The following PDE11A variants were observed in gnomAD, a reference collection of about 807,000 sequenced individuals.
The protein encoded by PDE11A is phosphodiesterase 11A.
PDE11A carries 100 observed loss-of-function variants against 100.5 expected under a neutral mutation model. That is an observed-to-expected ratio of 1.00 (90% confidence interval 0.85 to 1.18). The LOEUF is 1.18. Ranked by LOEUF, PDE11A falls within the 50% of genes most tolerant of loss-of-function variation. The pLI is 0.00. For synonymous variants in PDE11A, 381 were observed against 420.8 expected, an observed-to-expected ratio of 0.91 and a Z score of 1.16; for missense variants, 1,141 against 1,152.6, an observed-to-expected ratio of 0.99 and a Z score of 0.15.
chr2:177,802,730 G>A (rs2105555633), intron 9 of PDE11A, among the ~76,000 whole-genome samples: 1 of 152,002 alleles, frequency 6.6e-6, no homozygotes, highest in South Asian at 2.1e-4. Flanking sequence ...GGAACTTTCT[G>A]GGGTGATAAT....
intron 2 of PDE11A, among the ~76,000 whole-genome samples, chr2:177,907,326 CA>C (rs780724731): frequency 6.6e-6 from 1 of 152,116 alleles, no homozygotes; most frequent in Non-Finnish European, 1.5e-5. Context: ...CATTAAGCTG[CA>C]ATATTCTATT....
chr2:177,830,643 T>G (rs2083294445), intron 6 of PDE11A, among the ~76,000 whole-genome samples: 1 of 111,690 alleles, frequency 9.0e-6, no homozygotes, highest in African/African-American at 2.8e-5. Flanking sequence ...ATAATAATAA[T>G]AATAATCAGG....
At chr2:177,728,956 T>C (rs2081643042) in intron 10 of PDE11A, among the ~76,000 whole-genome samples, 2 of 152,194 alleles carry the variant, frequency 1.3e-5, no homozygotes, top group Admixed American at 1.3e-4. Context: ...GGTGATTTCA[T>C]TGGGTTTACC....
intron 3 of PDE11A, among the ~76,000 whole-genome samples, chr2:177,901,300 T>C (rs979602036): frequency 1.4e-4 from 22 of 152,166 alleles, no homozygotes; most frequent in African/African-American, 5.3e-4. Flanking sequence ...CAATTCCCTA[T>C]GATTTCATCT....
intron 15 of PDE11A, among the ~76,000 whole-genome samples, chr2:177,682,467 C>G (rs536258627): frequency 1.3e-5 from 2 of 152,308 alleles, no homozygotes; most frequent in East Asian, 1.9e-4. Flanking sequence ...TGGTTTACAA[C>G]TCACACATAC....
intron 2 of PDE11A, among the ~76,000 whole-genome samples, chr2:178,099,410 C>T (rs1341152273): frequency 1.3e-5 from 2 of 148,384 alleles, no homozygotes; most frequent in African/African-American, 5.0e-5. Context: ...TGTACTCCAG[C>T]CTGGGTGACA....
At chr2:178,074,356 G>A (rs1163759458), upstream of PDE11A, among the ~76,000 whole-genome samples, 17 of 152,160 alleles carry the variant, frequency 1.1e-4, no homozygotes, top group South Asian at 4.1e-4. Context: ...TGAATGAATC[G>A]TATGGTATGT....
chr2:177,849,627 A>AT (rs1326070339), intron 5 of PDE11A, among the ~76,000 whole-genome samples: 7 of 151,386 alleles, frequency 4.6e-5, no homozygotes, highest in Non-Finnish European at 7.4e-5. Flanking sequence ...TTATTTATTT[A>AT]TTATTATTAT....
chr2:178,102,930 T>C (rs1193545398), intron 2 of PDE11A, among the ~76,000 whole-genome samples: 1 of 152,094 alleles, frequency 6.6e-6, no homozygotes, highest in Non-Finnish European at 1.5e-5. Flanking sequence ...ATGAATATGA[T>C]TGGTGTCATT....
intron 3 of PDE11A, among the ~76,000 whole-genome samples, chr2:177,904,308 T>C (rs1324557544): frequency 6.6e-6 from 1 of 152,200 alleles, no homozygotes; most frequent in Non-Finnish European, 1.5e-5. Flanking sequence ...GTCTTTGCAT[T>C]ATTGTTCCAA....
chr2:177,723,599 T>C (rs2081560794), intron 12 of PDE11A, among the ~76,000 whole-genome samples: 2 of 152,152 alleles, frequency 1.3e-5, no homozygotes, highest in South Asian at 4.1e-4. Context: ...TTGTTCACCA[T>C]TTTATAGCTT....
At chr2:177,847,658 G>A (rs2083623046) in intron 5 of PDE11A, among the ~76,000 whole-genome samples, 1 of 152,150 alleles carries the variant, frequency 6.6e-6, no homozygotes, top group African/African-American at 2.4e-5. Context: ...AAAGCCTACT[G>A]CTTAGAAATC....
rs765711158 is a variant in PDE11A, at chr2:177,711,768, C to G, written c.2153+1G>C. On this transcript the variant is annotated splice_donor_variant, in intron 13 of 19. Coordinates refer to ENST00000286063, the MANE Select transcript of PDE11A (RefSeq NM_016953.4). LOFTEE classifies it high-confidence loss of function. ...AAATAACAACAGTTTAGAACACTTA[C>G]TTAGCTTGGAAGGCATTGTTGGTTC... 1.3e-6 allele frequency: 2 copies of G among 1,499,982 alleles called. No individual in the cohort carries two copies. Among genetic ancestry groups the G allele is most frequent in the South Asian group, 2.3e-5 (2 of 88,782 alleles). The allele number at this position is 1,499,982 out of a possible 1,614,324, so 92.9% of individuals were successfully genotyped here.
At chr2:177,849,979 A>C (rs1333956918) in intron 5 of PDE11A, among the ~76,000 whole-genome samples, 1 of 152,202 alleles carries the variant, frequency 6.6e-6, no homozygotes, top group Non-Finnish European at 1.5e-5. Flanking sequence ...TTATAGATTC[A>C]ATGCCATCCC....
Position 177,710,115 on chromosome 2 carries a change from G to A in PDE11A, c.2153+1654C>T, listed in dbSNP as rs538540097. On this transcript the variant is annotated intron_variant, in intron 13 of 19. Coordinates refer to ENST00000286063, the MANE Select transcript of PDE11A (RefSeq NM_016953.4). ...CAGCAGAAAGGGACAGCAGATACAG[G>A]AGGGAGAGGAAGATTGATGGCACAA... Among the ~76,000 whole-genome samples, 4 of 152,158 alleles carry A rather than the reference G, an allele frequency of 2.6e-5. No homozygotes were observed. In the South Asian group the frequency reaches 8.3e-4, roughly 32 times the overall value.
chr2:177,779,816 C>T (rs1558934428), intron 9 of PDE11A, among the ~76,000 whole-genome samples: 1 of 152,290 alleles, frequency 6.6e-6, no homozygotes, highest in East Asian at 1.9e-4. Flanking sequence ...ATATTTTGAC[C>T]TCCTCCAGGG....
intron 10 of PDE11A, among the ~76,000 whole-genome samples, chr2:177,765,561 C>G (rs2082227601): frequency 6.6e-6 from 1 of 152,188 alleles, no homozygotes; most frequent in South Asian, 2.1e-4. Flanking sequence ...GGAAGGGGCC[C>G]TGCCACGGGT....
chr2:178,046,002 A>G (rs2086745578), intron 1 of PDE11A, among the ~76,000 whole-genome samples: 1 of 152,208 alleles, frequency 6.6e-6, no homozygotes, highest in Admixed American at 6.5e-5. Context: ...TTGAGTTTGC[A>G]TCTGGTCTCT....
At chr2:177,710,812 T>C (rs1359582433) in intron 13 of PDE11A, among the ~76,000 whole-genome samples, 1 of 152,112 alleles carries the variant, frequency 6.6e-6, no homozygotes, top group Non-Finnish European at 1.5e-5. Flanking sequence ...AAAAAGAGAA[T>C]GATGAGCTGA....
Sources: gnomAD v4.1 joint callset for allele counts (sites outside exome capture counted in the v4.1 genomes callset) on GRCh38, gnomAD v4.1.1 for gene constraint, MANE v1.5 for transcripts, NCBI Gene and HGNC (gene_info 2026-07-23, HGNC 2026-07-21) for gene names.